Variants in AMOT observed in about 807,000 individuals in gnomAD.
The protein encoded by AMOT is angiomotin.
AMOT carries 11 observed loss-of-function variants against 67.0 expected under a neutral mutation model. The observed-to-expected ratio is 0.16, with a 90% confidence interval of 0.10 to 0.27. The LOEUF (loss-of-function observed/expected upper bound fraction) is 0.27, where lower values mean the gene tolerates loss of function less well. Among genes scored for constraint, AMOT ranks in the 10% least tolerant of loss-of-function variants. The pLI, the probability that AMOT is intolerant of heterozygous loss-of-function variation, is 1.00. For missense variants in AMOT, 753 were observed against 852.0 expected (o/e 0.88, Z 1.45); for synonymous variants, 326 against 321.4 (o/e 1.01, Z -0.15).
intron 5 of AMOT, 81 bp from the exon 6 acceptor site, chrX:112,811,474 C>T (rs917690764): frequency 3.8e-5 from 41 of 1,074,863 alleles, no homozygotes; most frequent in Admixed American, 2.8e-4. Context: ...GGCAAATCCT[C>T]GCTGACAGCT....
intron 8 of AMOT, among the ~76,000 whole-genome samples, chrX:112,794,045 T>C (rs1443964027): frequency 2.7e-5 from 3 of 111,991 alleles, no homozygotes; most frequent in Non-Finnish European, 5.6e-5. Context: ...AGCAAGGCAA[T>C]GTTAACGCAG....
In AMOT at chrX:112,776,126, T is replaced by C. The variant is rs998042462; in HGVS notation, c.*2441A>G. Reference sequence around the variant, plus strand: ...TCTGGTGTGAGAGGGTTCTGGAAAGTTCAAAATAGTACTCAGCCAAGAACT... The same window carrying C: ...TCTGGTGTGAGAGGGTTCTGGAAAGCTCAAAATAGTACTCAGCCAAGAACT... On this transcript the variant is annotated 3_prime_UTR_variant, in exon 14 of 14. Coordinates refer to ENST00000371959, the MANE Select transcript of AMOT (RefSeq NM_001113490.2). 4 of 112,029 alleles carry C rather than the reference T, an allele frequency of 3.6e-5. No homozygotes were observed. The highest frequency in any genetic ancestry group is 7.5e-5 in the Non-Finnish European group (4 of 53,242). The allele number at this position is 112,029 out of a possible 1,213,427, so 9.2% of individuals were successfully genotyped here.
At chrX:112,801,414 G>A (rs1160884321) in intron 8 of AMOT, among the ~76,000 whole-genome samples, 2 of 111,385 alleles carry the variant, frequency 1.8e-5, no homozygotes, top group Non-Finnish European at 3.8e-5. Context: ...CAGGGTACAC[G>A]CTGGTTCAAG....
In AMOT at chrX:112,781,011, C is replaced by T. The variant is rs769380289; in HGVS notation, c.2348G>A (p.Arg783Gln). Residue 783 changes from arginine (R) to glutamine (Q), a missense_variant, in exon 12 of 14, where the codon CGG (arginine) becomes CAG (glutamine). Arg to Gln is a conservative substitution (Grantham distance 43). Transcript: ENST00000371959. ...AATGGACATCAGAGACTTCGCTGGC[C>T]GCATGCACGACAGCTGCTCTGTCTT... Reference protein sequence around the residue: ...PSKTEQLSCMRPAKSLMSISN... With the variant: ...PSKTEQLSCMQPAKSLMSISN... 2.8e-5 allele frequency: 34 copies of T among 1,210,454 alleles called. No individual in the cohort carries two copies. The highest frequency in any genetic ancestry group is 5.2e-5 in the African/African-American group (3 of 57,336).
intron 2 of AMOT, among the ~76,000 whole-genome samples, chrX:112,830,825 C>T (rs903317004): frequency 1.8e-5 from 2 of 112,095 alleles, no homozygotes; most frequent in Non-Finnish European, 3.8e-5. Context: ...TAGCTTATAT[C>T]ATCTTTCATT....
chrX:112,796,884 G>A lies in AMOT; in HGVS notation c.1777-4903C>T, dbSNP rs561435427. Among the ~76,000 whole-genome samples, 3 of 111,442 alleles carry A rather than the reference G, an allele frequency of 2.7e-5. No homozygotes were observed. In the South Asian group the frequency reaches 1.1e-3, roughly 43 times the overall value. On this transcript the variant is annotated intron_variant, in intron 8 of 13. Transcript: ENST00000371959. ...CTGGCATTTGGTGACTAAAAGCCAG[G>A]GGTGCTGCTAAATAGCCCACAATAC...
At chrX:112,819,597 A>C (rs1183638563) in intron 4 of AMOT, among the ~76,000 whole-genome samples, 1 of 112,495 alleles carries the variant, frequency 8.9e-6, no homozygotes, top group African/African-American at 3.2e-5. Flanking sequence ...GGATGCAGAA[A>C]AGGTTCAGCA....
intron 8 of AMOT, among the ~76,000 whole-genome samples, chrX:112,798,322 C>T (rs770099677): frequency 8.9e-6 from 1 of 112,555 alleles, no homozygotes; most frequent in South Asian, 3.7e-4. Context: ...ATCATGTGTA[C>T]TCTATTAAGC....
At chrX:112,815,932 A>T in intron 4 of AMOT, 55 bp from the exon 5 acceptor site, 1 of 1,131,111 alleles carries the variant, frequency 8.8e-7, no homozygotes, top group Non-Finnish European at 1.2e-6. Context: ...GCACTGGGGG[A>T]GAAGGGCACA....
intron 8 of AMOT, among the ~76,000 whole-genome samples, chrX:112,795,749 GTGT>G (rs923719791): frequency 9.0e-6 from 1 of 111,042 alleles, no homozygotes; most frequent in African/African-American, 3.3e-5. Context: ...CCTCTTTTAT[GTGT>G]TTTACGTATT....
chrX:112,829,920 C>T (rs1261125801), intron 2 of AMOT, among the ~76,000 whole-genome samples: 2 of 111,681 alleles, frequency 1.8e-5, no homozygotes, highest in East Asian at 2.8e-4. Context: ...ACCATCACAT[C>T]CCCTTCTTTA....
rs917776475 is a variant in AMOT at position 112,779,474 on chromosome X, C to G, written c.2680G>C (p.Ala894Pro). ...GTGGCAGCAGTGGCAGTGATGGCGG[C>G]AGCAGTGGCGGCAGCAGCAACTGGA... ...PAPVAAAATA[A>P]AITATAATIT... Residue 894 changes from alanine (A) to proline (P), a missense_variant, in exon 13 of 14, where the codon GCC (alanine) becomes CCC (proline). Coordinates refer to ENST00000371959, the MANE Select transcript of AMOT (RefSeq NM_001113490.2). The G allele has an allele frequency of 1.7e-6, 2 of 1,204,011 alleles. No individual in the cohort carries two copies. Among genetic ancestry groups the G allele is most frequent in the Admixed American group, 2.2e-5 (1 of 45,145 alleles).
In AMOT at chrX:112,782,618, G is replaced by T. The variant is rs761320527; in HGVS notation, c.2162C>A (p.Thr721Lys). The change falls in exon 11 of 14, where the codon ACA (threonine) becomes AAA (lysine). Residue 721 changes from threonine (T) to lysine (K), a missense_variant. By Grantham distance (78) the Thr-to-Lys change is moderately conservative. Coordinates refer to ENST00000371959, the MANE Select transcript of AMOT (RefSeq NM_001113490.2). ...ISHSPNTSYD[T>K]ALEARIQKEE... ...TTTCTGGATGCGAGCTTCTAGAGCT[G>T]TGTCATAGCTGGTGTTAGGAGAGTG... is the stretch of plus-strand genomic sequence containing the variant. 8.3e-7 allele frequency: 1 copy of T among 1,211,198 alleles called. No homozygotes were observed. The highest frequency in any genetic ancestry group is 1.8e-5 in the South Asian group (1 of 56,924).
chrX:112,822,079 T>C (rs897668064), intron 4 of AMOT, among the ~76,000 whole-genome samples, 176 bp downstream of exon 4: 2 of 112,584 alleles, frequency 1.8e-5, no homozygotes, highest in Non-Finnish European at 3.8e-5. Flanking sequence ...GTGCTAATTA[T>C]GGCTAAAGAG....
intron 8 of AMOT, 136 bp from the exon 9 acceptor site, chrX:112,792,117 T>C (rs1933629112): frequency 1.4e-6 from 1 of 717,505 alleles, no homozygotes; most frequent in Admixed American, 3.0e-5. Context: ...AAGGAATGGA[T>C]GGCGAGAAGG....
At chrX:112,827,056 C>T (rs928511642) in intron 2 of AMOT, among the ~76,000 whole-genome samples, 5 of 112,248 alleles carry the variant, frequency 4.5e-5, no homozygotes, top group African/African-American at 1.6e-4. Context: ...CAGGGTTTTG[C>T]CATGTTGGCC....
chrX:112,792,934 T>C (rs1478473362), intron 8 of AMOT, among the ~76,000 whole-genome samples: 2 of 108,169 alleles, frequency 1.8e-5, no homozygotes, highest in Non-Finnish European at 3.8e-5. Context: ...ACTATGCAGA[T>C]AAAATAATGA....
chrX:112,837,017 G>A (rs1935147503), intron 1 of AMOT, among the ~76,000 whole-genome samples: 1 of 111,263 alleles, frequency 9.0e-6, no homozygotes, highest in Non-Finnish European at 1.9e-5. Flanking sequence ...AGTGGCATCA[G>A]TCGCCATTAT....
At chrX:112,801,926 T>C (rs12842267) in intron 8 of AMOT, among the ~76,000 whole-genome samples, 1 of 112,498 alleles carries the variant, frequency 8.9e-6, no homozygotes, top group African/African-American at 3.2e-5. Flanking sequence ...AAGGTTTTCC[T>C]TGGAAGAACT....
Sources: gnomAD v4.1 joint callset for allele counts (sites outside exome capture counted in the v4.1 genomes callset) on GRCh38, gnomAD v4.1.1 for gene constraint, MANE v1.5 for transcripts, NCBI Gene and HGNC (gene_info 2026-07-23, HGNC 2026-07-21) for gene names.